FBLN5: variants seen among roughly 807,000 people sequenced by gnomAD.
The protein encoded by FBLN5 is fibulin-5.
FBLN5 carries 24 observed loss-of-function variants against 61.6 expected under a neutral mutation model. That is an observed-to-expected ratio of 0.39 (90% confidence interval 0.28 to 0.55). FBLN5 has a LOEUF of 0.55. Among genes scored for constraint, FBLN5 ranks in the 20% least tolerant of loss-of-function variants. The pLI is 0.65. For synonymous variants in FBLN5, 213 were observed against 219.8 expected (o/e 0.97, Z 0.27); for missense variants, 470 against 594.1 (o/e 0.79, Z 2.17).
At chr14:91,876,240 C>G (rs943446976) in intron 10 of FBLN5, among the ~76,000 whole-genome samples, 3 of 152,214 alleles carry the variant, frequency 2.0e-5, no homozygotes, top group Non-Finnish European at 2.9e-5. Context: ...CCAGCCTTAT[C>G]GGGAAGATTT....
intron 4 of FBLN5, among the ~76,000 whole-genome samples, chr14:91,912,466 G>C (rs1011844089): frequency 2.0e-5 from 3 of 152,146 alleles, no homozygotes; most frequent in Non-Finnish European, 4.4e-5. Context: ...CCAACGTGGT[G>C]AAACCCTGTA....
rs769204973 is a variant in FBLN5 at position 91,883,071 on chromosome 14, C to T, written c.745G>A (p.Asp249Asn). 5.0e-6 allele frequency: 8 copies of T among 1,613,932 alleles called. No homozygotes were observed. The South Asian group carries it at 8.8e-5, about 18-fold the overall frequency. Reference sequence around the variant, plus strand: ...AGGAACTCAGAGAAGCTGCACTCGTCCATATCTGGGGTGACAAGTCACACC... The same window carrying T: ...AGGAACTCAGAGAAGCTGCACTCGTTCATATCTGGGGTGACAAGTCACACC... ...EEDGVHCSDMDECSFSEFLCQ... is the reference protein window; with the variant it reads ...EEDGVHCSDMNECSFSEFLCQ... Residue 249 changes from aspartate to asparagine, a missense_variant, in exon 8 of 11, where the codon GAC becomes AAC. Physicochemically the swap from Asp to Asn is conservative, Grantham distance 23. Transcript: ENST00000342058.
intron 4 of FBLN5, among the ~76,000 whole-genome samples, chr14:91,935,151 TG>T: frequency 6.6e-6 from 1 of 152,316 alleles, no homozygotes; most frequent in South Asian, 2.1e-4. Context: ...GCATCTCCCG[TG>T]TGACAGGTTC....
rs1043007340 is a variant in FBLN5, at chr14:91,947,536, G to A, written c.-307C>T. The stretch of plus-strand genomic sequence containing the variant: ...TCTAAGTATGTTAAACAATGCAAAT[G>A]GGGCCTCAGTCTGGACACAGCTGGT... On this transcript the variant is annotated 5_prime_UTR_variant, in exon 1 of 11. Transcript: ENST00000342058. The surrounding 1 kb of genome is among the most constrained non-coding windows in gnomAD (Gnocchi z 4.3). The A allele has an allele frequency of 4.9e-5, 25 of 514,704 alleles. No homozygotes were observed. Among genetic ancestry groups the A allele is most frequent in the African/African-American group, 3.1e-4 (16 of 51,862 alleles). The allele number at this position is 514,704 out of a possible 1,614,324, so 31.9% of individuals were successfully genotyped here.
In FBLN5 at chr14:91,891,953, G is replaced by A. The variant is rs201850498; in HGVS notation, c.503-616C>T. On this transcript the variant is annotated intron_variant, in intron 5 of 10. Coordinates refer to ENST00000342058, the MANE Select transcript of FBLN5 (RefSeq NM_006329.4). ...TGGAGACCCATGAATCCAGTAACAT[G>A]AGGGCACTGGAATTCACCCTGAATC... Among the ~76,000 whole-genome samples the A allele has an allele frequency of 5.9e-5, 9 of 152,212 alleles. No homozygotes were observed. The East Asian group carries it at 1.7e-3, about 29-fold the overall frequency.
chr14:91,880,045 G>A (rs1389063986), intron 9 of FBLN5, among the ~76,000 whole-genome samples: 1 of 152,266 alleles, frequency 6.6e-6, no homozygotes, highest in African/African-American at 2.4e-5. Context: ...CCTTTTGGAA[G>A]TTGTCTTCAC....
rs769241044 is a variant in FBLN5, at chr14:91,894,931, C to T, written c.502+19G>A. On this transcript the variant is annotated intron_variant, in intron 5 of 10. Coordinates refer to ENST00000342058, the MANE Select transcript of FBLN5 (RefSeq NM_006329.4). Reference sequence around the variant, plus strand: ...GTTAACTTCCAAGAGTCCCTGTGACCCCCCCAGAGAGCTGTTACCTAAGCA... The same window carrying T: ...GTTAACTTCCAAGAGTCCCTGTGACTCCCCCAGAGAGCTGTTACCTAAGCA... The T allele has an allele frequency of 6.8e-6, 11 of 1,607,954 alleles. No individual in the cohort carries two copies. The South Asian group carries it at 8.8e-5, about 13-fold the overall frequency.
intron 4 of FBLN5, among the ~76,000 whole-genome samples, chr14:91,921,982 G>A (rs1428287938): frequency 1.3e-5 from 2 of 152,208 alleles, no homozygotes; most frequent in Non-Finnish European, 2.9e-5. Flanking sequence ...ATGTGGGACA[G>A]TCATGGAGCC....
chr14:91,888,625 T>TAC (rs1222059157), intron 6 of FBLN5, among the ~76,000 whole-genome samples: 1 of 135,454 alleles, frequency 7.4e-6, no homozygotes, highest in East Asian at 2.1e-4. Context: ...AAAAAAAAAA[T>TAC]ACATATATAT....
chr14:91,906,701 G>A (rs777586396), intron 4 of FBLN5, among the ~76,000 whole-genome samples: 2 of 152,242 alleles, frequency 1.3e-5, no homozygotes, highest in African/African-American at 2.4e-5. Flanking sequence ...TCTCCAGTGA[G>A]GAAGGCAGGG....
intron 4 of FBLN5, among the ~76,000 whole-genome samples, chr14:91,913,926 T>C (rs146739097): frequency 1.3e-5 from 2 of 152,170 alleles, no homozygotes; most frequent in African/African-American, 4.8e-5. Flanking sequence ...TTCTTACAAC[T>C]TAATAGCAAT....
Position 91,929,601 on chromosome 14 carries a change from C to T in FBLN5, c.379+7346G>A, listed in dbSNP as rs143848005. 1.7e-3 allele frequency among the ~76,000 whole-genome samples: 254 copies of T among 152,372 alleles called. 1 individual carries two copies. The highest frequency in any genetic ancestry group is 3.3e-3 in the South Asian group (16 of 4,830). On this transcript the variant is annotated intron_variant, in intron 4 of 10. Coordinates refer to ENST00000342058, the MANE Select transcript of FBLN5 (RefSeq NM_006329.4). ...CCTTTACCACTACACCATGCTACCT[C>T]AATCTAGGCCTTAAAATCATTTCTT...
chr14:91,939,144 C>T (rs555500489), intron 3 of FBLN5, among the ~76,000 whole-genome samples: 2 of 152,186 alleles, frequency 1.3e-5, no homozygotes, highest in East Asian at 1.9e-4. Context: ...CTAAATACTT[C>T]CCCTAAGATG....
At chr14:91,870,421 G>A in intron 10 of FBLN5, 36 bp from the exon 11 acceptor site, 1 of 1,611,146 alleles carries the variant, frequency 6.2e-7, no homozygotes, top group Non-Finnish European at 8.5e-7. Flanking sequence ...GTGAGAAAAG[G>A]CCTGCATGGT....
chr14:91,945,192 C>CTGCAT (rs1398259843), intron 1 of FBLN5, among the ~76,000 whole-genome samples: 1 of 150,278 alleles, frequency 6.7e-6, no homozygotes, highest in Non-Finnish European at 1.5e-5. Context: ...GATTGCGCCA[C>CTGCAT]TGCATTCCAG....
chr14:91,935,654 A>C (rs142835766), intron 4 of FBLN5, among the ~76,000 whole-genome samples: 14 of 152,318 alleles, frequency 9.2e-5, no homozygotes, highest in African/African-American at 3.1e-4. Flanking sequence ...AACTGGTTGG[A>C]GTCCACACTC....
chr14:91,915,343 T>C (rs1049167340), intron 4 of FBLN5, among the ~76,000 whole-genome samples: 28 of 152,006 alleles, frequency 1.8e-4, no homozygotes, highest in African/African-American at 6.5e-4. Context: ...TATGTAAAAC[T>C]GACTTAAGAA....
Position 91,892,185 on chromosome 14 carries a change from G to A in FBLN5, c.503-848C>T, listed in dbSNP as rs545926926. On this transcript the variant is annotated intron_variant, in intron 5 of 10. Coordinates refer to ENST00000342058, the MANE Select transcript of FBLN5 (RefSeq NM_006329.4). ...ACTTCTCAACACCCCAAGCTGATGT[G>A]ATAATGGGCTGGAGAATTCATTCCT... 3.4e-4 allele frequency among the ~76,000 whole-genome samples: 52 copies of A among 152,332 alleles called. 1 individual carries two copies. The South Asian group carries it at 8.1e-3, about 24-fold the overall frequency.
intron 6 of FBLN5, among the ~76,000 whole-genome samples, chr14:91,890,732 T>A (rs1436110782): frequency 1.3e-5 from 2 of 152,186 alleles, no homozygotes; most frequent in African/African-American, 2.4e-5. Context: ...GAACAGGCCA[T>A]CCTGGCACAG....
Sources: allele counts gnomAD v4.1 joint callset (sites outside exome capture counted in the v4.1 genomes callset), GRCh38; gene constraint gnomAD v4.1.1; non-coding constraint Gnocchi (gnomAD v3.1); transcripts MANE v1.5; gene names NCBI Gene and HGNC (gene_info 2026-07-23, HGNC 2026-07-21).